Variants in KCNH8 observed in about 807,000 individuals in gnomAD.
KCNH8 encodes the protein potassium voltage-gated channel subfamily H member 8, also known as voltage-gated delayed rectifier potassium channel KCNH8.
In KCNH8, 70 loss-of-function variants were observed where a neutral mutation model predicts 103.6. The ratio of observed to expected loss-of-function variants is 0.68; its 90% confidence interval spans 0.56 to 0.82. The LOEUF (loss-of-function observed/expected upper bound fraction) is 0.82. Among genes scored for constraint, KCNH8 ranks in the 40% least tolerant of loss-of-function variants. KCNH8 has a pLI of 0.00. For synonymous variants in KCNH8, 498 were observed against 489.4 expected (o/e 1.02, Z -0.23); for missense variants, 1,217 against 1,329.9 (o/e 0.92, Z 1.32).
intron 2 of KCNH8, among the ~76,000 whole-genome samples, chr3:19,276,991 A>C (rs1358633267): frequency 6.6e-6 from 1 of 152,178 alleles, no homozygotes; most frequent in Non-Finnish European, 1.5e-5. Flanking sequence ...AGTGTGATAT[A>C]TATACATAAT....
At chr3:19,261,710 T>A (rs2064438121) in intron 2 of KCNH8, among the ~76,000 whole-genome samples, 1 of 151,898 alleles carries the variant, frequency 6.6e-6, no homozygotes, top group African/African-American at 2.4e-5. Context: ...TCCCCTATAT[T>A]TTCTGCTAAG....
chr3:19,403,813 T>C (rs2066652333), intron 7 of KCNH8, among the ~76,000 whole-genome samples: 1 of 151,874 alleles, frequency 6.6e-6, no homozygotes, highest in African/African-American at 2.4e-5. Context: ...TGAGGTTAAT[T>C]GTCATTCTGT....
In KCNH8 at chr3:19,395,153, G is replaced by A. The variant is rs376188228; in HGVS notation, c.1019G>A (p.Arg340His). The change falls in exon 7 of 16, where the codon CGT becomes CAT. Residue 340 changes from arginine (R) to histidine (H), a missense_variant. Around this residue, in one of 3 missense-constraint regions of KCNH8, gnomAD observed 415 missense variants for 577.4 expected, o/e 0.72. Transcript: ENST00000328405. ...LKTVRLLRLL[R>H]LLQKLDRYSQ... ...ACAGTGCGCCTCTTGCGTCTTTTGC[G>A]TCTGCTGCAGAAGTTAGACCGCTAT... 41 of 1,610,992 alleles carry A rather than the reference G, an allele frequency of 2.5e-5. No homozygotes were observed. The highest frequency in any genetic ancestry group is 1.7e-4 in the Middle Eastern group (1 of 6,032).
chr3:19,432,330 A>G (rs77192683), intron 7 of KCNH8, among the ~76,000 whole-genome samples: 11,210 of 152,216 alleles, frequency 0.074, 590 homozygotes, highest in Middle Eastern at 0.12. Context: ...CTGCCAGGAA[A>G]CTACCAAAAA....
At chr3:19,260,967 C>CATATATATATATATATAT (rs138181171) in intron 2 of KCNH8, among the ~76,000 whole-genome samples, 90 of 132,128 alleles carry the variant, frequency 6.8e-4, no homozygotes, top group African/African-American at 2.4e-3. Context: ...GAATAATATT[C>CATATATATATATATATAT]ATATATATAT....
At chr3:19,155,486 T>C (rs1254732896) in intron 1 of KCNH8, among the ~76,000 whole-genome samples, 1 of 152,162 alleles carries the variant, frequency 6.6e-6, no homozygotes, top group African/African-American at 2.4e-5. Context: ...TTAAAAACAA[T>C]ATTACCACTT....
At chr3:19,343,370 T>A (rs1219347398) in intron 4 of KCNH8, among the ~76,000 whole-genome samples, 1 of 152,118 alleles carries the variant, frequency 6.6e-6, no homozygotes. Flanking sequence ...ATTTCCTATT[T>A]TACATGACAT....
At chr3:19,266,801 T>A (rs1445925692) in intron 2 of KCNH8, among the ~76,000 whole-genome samples, 1 of 152,148 alleles carries the variant, frequency 6.6e-6, no homozygotes. Flanking sequence ...CTATTTCAAC[T>A]TTATGGTTAC....
chr3:19,420,015 C>A (rs1417513992), intron 7 of KCNH8, among the ~76,000 whole-genome samples: 1 of 152,094 alleles, frequency 6.6e-6, no homozygotes, highest in Admixed American at 6.5e-5. Flanking sequence ...GTTCAGACTT[C>A]AAAGCCTAGA....
At chr3:19,464,070 C>A (rs1163082906) in intron 11 of KCNH8, among the ~76,000 whole-genome samples, 1 of 152,050 alleles carries the variant, frequency 6.6e-6, no homozygotes, top group East Asian at 1.9e-4. Context: ...CATTGAAATA[C>A]CAAAGACTGT....
At position 19,167,790 on chromosome 3, in the gene KCNH8, A is replaced by G. The variant is rs138934139; in HGVS notation, c.76+18995A>G. Among the ~76,000 whole-genome samples the G allele has an allele frequency of 7.7e-4, 117 of 152,314 alleles. No individual in the cohort carries two copies. The South Asian group carries it at 0.013, about 17-fold the overall frequency. On this transcript the variant is annotated intron_variant, in intron 1 of 15. Transcript: ENST00000328405. The stretch of plus-strand genomic sequence containing the variant: ...GGGTATTCAACTATAACACAGTATC[A>G]CAACCAGAAATTTAACATTGAAACA...
chr3:19,275,463 A>G (rs1427054875), intron 2 of KCNH8, among the ~76,000 whole-genome samples: 1 of 152,078 alleles, frequency 6.6e-6, no homozygotes, highest in Non-Finnish European at 1.5e-5. Flanking sequence ...GCTCACTAGT[A>G]TCCTGGGGCA....
chr3:19,232,816 C>T (rs530943456), intron 1 of KCNH8, among the ~76,000 whole-genome samples: 4 of 152,272 alleles, frequency 2.6e-5, no homozygotes, highest in African/African-American at 4.8e-5. Context: ...GCATGGGTCA[C>T]GTGTAGCTAC....
At chr3:19,198,232 C>A (rs754032534) in intron 1 of KCNH8, among the ~76,000 whole-genome samples, 2 of 152,040 alleles carry the variant, frequency 1.3e-5, no homozygotes, top group Non-Finnish European at 2.9e-5. Context: ...GAGGGGCAGT[C>A]CATTGCTGAA....
intron 1 of KCNH8, among the ~76,000 whole-genome samples, chr3:19,217,120 G>T (rs777794166): frequency 6.6e-6 from 1 of 152,168 alleles, no homozygotes; most frequent in East Asian, 1.9e-4. Context: ...AGTCCCTTGC[G>T]CAAGGCTAAC....
chr3:19,284,555 G>GT (rs1491287101), intron 3 of KCNH8, among the ~76,000 whole-genome samples: 51 of 140,470 alleles, frequency 3.6e-4, no homozygotes, highest in Admixed American at 1.6e-3. Flanking sequence ...GTGTGTGTGA[G>GT]GGAGAGAGAG....
intron 7 of KCNH8, among the ~76,000 whole-genome samples, chr3:19,415,268 C>CTAT (rs1004091139): frequency 2.0e-5 from 3 of 151,876 alleles, no homozygotes; most frequent in Admixed American, 2.0e-4. Flanking sequence ...GAGCCCAATA[C>CTAT]TATTATTATT....
At chr3:19,179,507 C>T (rs537514585) in intron 1 of KCNH8, among the ~76,000 whole-genome samples, 38 of 152,220 alleles carry the variant, frequency 2.5e-4, no homozygotes, top group African/African-American at 9.1e-4. Flanking sequence ...TATTCTAACT[C>T]ATCTCAGGGG....
intron 3 of KCNH8, among the ~76,000 whole-genome samples, chr3:19,323,097 T>C (rs2065372209): frequency 6.6e-6 from 1 of 152,104 alleles, no homozygotes; most frequent in Non-Finnish European, 1.5e-5. Flanking sequence ...TATCCTGTAT[T>C]TTTTTTATTT....
Sources: allele counts gnomAD v4.1 joint callset (sites outside exome capture counted in the v4.1 genomes callset), GRCh38; gene constraint gnomAD v4.1.1; regional missense constraint gnomAD v4.1.1; transcripts MANE v1.5; gene names NCBI Gene and HGNC (gene_info 2026-07-23, HGNC 2026-07-21).